The following SAMD8 variants were observed in gnomAD, a reference collection of about 807,000 sequenced individuals.
SAMD8 encodes the protein sphingomyelin synthase-related protein 1.
SAMD8 carries 20 observed loss-of-function variants against 42.0 expected under a neutral mutation model. The observed-to-expected ratio is 0.48, with a 90% CI of 0.34 to 0.69. SAMD8 has a LOEUF of 0.69. SAMD8 is among the 30% of genes least tolerant of loss of function. The pLI, the probability that SAMD8 is intolerant of heterozygous loss-of-function variation, is 0.01. For synonymous variants in SAMD8, 162 were observed against 173.0 expected (o/e 0.94, Z 0.50); for missense variants, 328 against 511.6 (o/e 0.64, Z 3.46).
rs188033279 is a variant in SAMD8, at chr10:75,120,379, C to T, written c.-16+8657C>T. Among the ~76,000 whole-genome samples the T allele has an allele frequency of 4.1e-3, 618 of 152,246 alleles. 4 individuals are homozygous for T. Among genetic ancestry groups the T allele is most frequent in the Middle Eastern group, 6.8e-3 (2 of 294 alleles). On this transcript the variant is annotated intron_variant, in intron 1 of 5. Coordinates refer to ENST00000542569, the MANE Select transcript of SAMD8 (RefSeq NM_001174156.2). ...CTCCGCCTCCCAGGTTCATGCCATT[C>T]TCCTGCCTCAGCCTCCCGTAGCTGG...
chr10:75,149,215 A>G (rs1034169893), intron 1 of SAMD8, among the ~76,000 whole-genome samples: 3 of 152,202 alleles, frequency 2.0e-5, no homozygotes, highest in African/African-American at 4.8e-5. Flanking sequence ...TTTGTCTCCT[A>G]TGTATCTGAT....
chr10:75,105,689 G>T (rs769346082), intron 1 of SAMD8: 32 of 1,549,696 alleles, frequency 2.1e-5, no homozygotes, highest in African/African-American at 2.7e-5. Flanking sequence ...CCGGCACCCC[G>T]CAGTTGCTGG....
chr10:75,159,327 A>G (rs142114976), intron 2 of SAMD8, among the ~76,000 whole-genome samples: 277 of 152,086 alleles, frequency 1.8e-3, no homozygotes, highest in African/African-American at 6.4e-3. Context: ...ACAAAGTGCA[A>G]GCATTACACG....
upstream of SAMD8, among the ~76,000 whole-genome samples, chr10:75,106,961 G>C (rs1396871244): frequency 2.6e-5 from 4 of 152,220 alleles, no homozygotes; most frequent in Non-Finnish European, 5.9e-5. Context: ...TTCTAGGATG[G>C]ACACAAAGCC....
chr10:75,105,952 G>T, intron 1 of SAMD8: 1 of 1,323,022 alleles, frequency 7.6e-7, no homozygotes, highest in South Asian at 1.4e-5. Context: ...TTCCTTTCCT[G>T]ACCCTGCCTT....
intron 1 of SAMD8, among the ~76,000 whole-genome samples, chr10:75,124,099 A>T (rs1225752232): frequency 2.0e-5 from 3 of 152,060 alleles, no homozygotes; most frequent in African/African-American, 4.8e-5. Context: ...CTTCTCTAGT[A>T]TCCACTTTGG....
At chr10:75,120,512 G>T (rs949073386) in intron 1 of SAMD8, among the ~76,000 whole-genome samples, 10 of 151,672 alleles carry the variant, frequency 6.6e-5, no homozygotes, top group African/African-American at 2.4e-4. Context: ...CTCGTGATCC[G>T]CCCGCCTCAG....
At chr10:75,120,008 C>T (rs1234131898) in intron 1 of SAMD8, among the ~76,000 whole-genome samples, 2 of 152,124 alleles carry the variant, frequency 1.3e-5, no homozygotes, top group African/African-American at 4.8e-5. Flanking sequence ...GTGGAGGTTG[C>T]AGTGAGCCGA....
chr10:75,108,119 G>T (rs188944686), upstream of SAMD8: 11 of 1,613,664 alleles, frequency 6.8e-6, no homozygotes, highest in South Asian at 6.6e-5. Context: ...AGAAGTCAGG[G>T]CCGCCCTGAC....
chr10:75,120,648 C>T (rs1337766939), intron 1 of SAMD8, among the ~76,000 whole-genome samples: 1 of 151,878 alleles, frequency 6.6e-6, no homozygotes, highest in Admixed American at 6.6e-5. Context: ...TATGTTAAGT[C>T]GTTATATGAG....
At chr10:75,110,669 C>G (rs763218349), upstream of SAMD8, among the ~76,000 whole-genome samples, 2 of 152,164 alleles carry the variant, frequency 1.3e-5, no homozygotes, top group Non-Finnish European at 2.9e-5. Context: ...GGGAGGAGAC[C>G]TTCCCTCAGG....
intron 1 of SAMD8, among the ~76,000 whole-genome samples, chr10:75,137,539 CAAA>C (rs373211048): frequency 4.7e-5 from 5 of 107,240 alleles, no homozygotes; most frequent in Non-Finnish European, 5.9e-5. Flanking sequence ...GACTCCGTCT[CAAA>C]AAAAAAAAAA....
At chr10:75,144,193 C>T (rs1331146406) in intron 1 of SAMD8, among the ~76,000 whole-genome samples, 1 of 67,164 alleles carries the variant, frequency 1.5e-5, no homozygotes, top group Non-Finnish European at 2.4e-5. Flanking sequence ...TGGTCTCCAT[C>T]TCTTGACCTC....
At chr10:75,105,901 CCA>C in intron 1 of SAMD8, 1 of 1,536,292 alleles carries the variant, frequency 6.5e-7, no homozygotes, top group Non-Finnish European at 8.8e-7. Flanking sequence ...AAACCCTGTC[CCA>C]CACACCGGCC....
At chr10:75,102,343 T>C (rs1360708758) in intron 1 of SAMD8, among the ~76,000 whole-genome samples, 1 of 151,976 alleles carries the variant, frequency 6.6e-6, no homozygotes, top group African/African-American at 2.4e-5. Flanking sequence ...CTCAGGAGGC[T>C]GAGGCAGGAG....
intron 4 of SAMD8, among the ~76,000 whole-genome samples, chr10:75,174,034 C>T (rs1042932864): frequency 2.7e-4 from 41 of 152,206 alleles, no homozygotes; most frequent in African/African-American, 9.6e-4. Context: ...ATTTTAGCAC[C>T]TTTTTGTACC....
At chr10:75,103,239 C>T (rs1848287806) in intron 1 of SAMD8, among the ~76,000 whole-genome samples, 1 of 152,244 alleles carries the variant, frequency 6.6e-6, no homozygotes, top group Non-Finnish European at 1.5e-5. Flanking sequence ...GCATTGCCAA[C>T]AGCAGGACCC....
Position 75,152,977 on chromosome 10 carries a change from T to C in SAMD8, c.578+1871T>C, listed in dbSNP as rs150837306. On this transcript the variant is annotated intron_variant, in intron 2 of 5. Transcript: ENST00000542569. ...TGGGTATTACTTTCTTGTTTGTTAG[T>C]TTTTGGTTTTGTTTTTGTTTTTTAG... Among the ~76,000 whole-genome samples, 1,387 of 152,202 alleles carry C rather than the reference T, an allele frequency of 9.1e-3. 31 individuals are homozygous for C. Among genetic ancestry groups the C allele is most frequent in the African/African-American group, 0.032 (1,318 of 41,528 alleles).
At chr10:75,146,235 GCT>G (rs930431057) in intron 1 of SAMD8, among the ~76,000 whole-genome samples, 1 of 148,810 alleles carries the variant, frequency 6.7e-6, no homozygotes, top group African/African-American at 2.5e-5. Context: ...TTGTTTCCTG[GCT>G]CTCAGGGATT....
Sources: gnomAD v4.1 joint callset for allele counts (sites outside exome capture counted in the v4.1 genomes callset) on GRCh38, gnomAD v4.1.1 for gene constraint, MANE v1.5 for transcripts, NCBI Gene and HGNC (gene_info 2026-07-23, HGNC 2026-07-21) for gene names.